Variants in PRRC2C observed in about 807,000 individuals in gnomAD.
PRRC2C encodes the protein protein PRRC2C.
PRRC2C carries 72 observed loss-of-function variants against 317.2 expected under a neutral mutation model. The observed-to-expected ratio is 0.23, with a 90% CI of 0.19 to 0.28. PRRC2C has a LOEUF of 0.28. Among genes scored for constraint, PRRC2C ranks in the 10% least tolerant of loss-of-function variants. The probability of loss-of-function intolerance (pLI) is 1.00; values close to 1 mark genes in which losing one functional copy is unlikely to be tolerated. For synonymous variants in PRRC2C, 1,296 were observed against 1,205.9 expected (o/e 1.07, Z -1.55); for missense variants, 3,074 against 3,459.7 (o/e 0.89, Z 2.80).
chr1:171,508,570 T>G (rs1455182633), intron 1 of PRRC2C, among the ~76,000 whole-genome samples: 1 of 152,198 alleles, frequency 6.6e-6, no homozygotes, highest in African/African-American at 2.4e-5. Context: ...TTATGATTCT[T>G]TTAAGCTTGA....
At position 171,591,806 on chromosome 1, in the gene PRRC2C, A is replaced by G. The variant is rs373951784; in HGVS notation, c.8656A>G (p.Ile2886Val). 193 of 1,603,896 alleles carry G rather than the reference A, an allele frequency of 1.2e-4. No homozygotes were observed. The highest frequency in any genetic ancestry group is 1.5e-4 in the Non-Finnish European group (172 of 1,174,770). ...IATKPVRTGPIKPQAIKTEET... is the reference protein window; with the variant it reads ...IATKPVRTGPVKPQAIKTEET... ...CACCAAACCTGTTAGAACTGGACCA[A>G]TCAAACCTCAGGCGATCAAAACCGA... The change falls in exon 35 of 35, where the codon ATC (isoleucine) becomes GTC (valine). Residue 2886 changes from isoleucine to valine, a missense_variant. Transcript: ENST00000647382.
At chr1:171,554,412 T>C (rs1212832036) in intron 18 of PRRC2C, among the ~76,000 whole-genome samples, 1 of 152,230 alleles carries the variant, frequency 6.6e-6, no homozygotes, top group African/African-American at 2.4e-5. Context: ...GAGTCTTGAC[T>C]CTTTATCCAA....
intron 1 of PRRC2C, among the ~76,000 whole-genome samples, chr1:171,496,857 G>A (rs768460956): frequency 1.3e-5 from 2 of 151,736 alleles, no homozygotes; most frequent in Admixed American, 6.6e-5. Context: ...CTAGAGTGCA[G>A]TGGTGCAATC....
intron 22 of PRRC2C, 94 bp downstream of exon 22, chr1:171,566,937 C>A: frequency 7.5e-7 from 1 of 1,338,142 alleles, no homozygotes; most frequent in Non-Finnish European, 1.0e-6. Flanking sequence ...TTTTTTCCTG[C>A]TGAGGCATAT....
chr1:171,536,074 G>A lies in PRRC2C; in HGVS notation c.2089G>A (p.Val697Ile), dbSNP rs1489762006. Residue 697 changes from valine to isoleucine, a missense_variant, in exon 14 of 35, where the codon GTA (valine) becomes ATA (isoleucine). Val to Ile is a conservative substitution (Grantham distance 29, BLOSUM62 3). Around this residue, in one of 11 missense-constraint regions of PRRC2C, gnomAD observed 1,320 missense variants for 1,395.7 expected, o/e 0.95. Transcript: ENST00000647382. ...GTGGCAGCAGCAGCAACAGCAAGGT[G>A]TACTTCCACAGACTGTTCCTTCACA... is the stretch of plus-strand genomic sequence containing the variant. ...QQWQQQQQQGVLPQTVPSQPS... is the reference protein window; with the variant it reads ...QQWQQQQQQGILPQTVPSQPS... 4 of 1,553,240 alleles carry A rather than the reference G, an allele frequency of 2.6e-6. No individual in the cohort carries two copies. The highest frequency in any genetic ancestry group is 3.5e-6 in the Non-Finnish European group (4 of 1,147,702).
chr1:171,565,439 A>T (rs539283363), intron 20 of PRRC2C, among the ~76,000 whole-genome samples: 18 of 150,042 alleles, frequency 1.2e-4, no homozygotes, highest in Non-Finnish European at 2.1e-4. Flanking sequence ...ATGCTCAACA[A>T]ATTAGCTGGG....
At chr1:171,577,950 C>CTTTTTTTT (rs59582313) in intron 26 of PRRC2C, among the ~76,000 whole-genome samples, 2 of 103,756 alleles carry the variant, frequency 1.9e-5, no homozygotes, top group African/African-American at 3.8e-5. Context: ...GCTAATTTTT[C>CTTTTTTTT]TTTTTTTTTT....
Position 171,591,752 on chromosome 1 carries a change from G to A in PRRC2C, c.8602G>A (p.Glu2868Lys). The A allele has an allele frequency of 6.2e-7, 1 of 1,613,402 alleles. No individual in the cohort carries two copies. Among genetic ancestry groups the A allele is most frequent in the South Asian group, 1.1e-5 (1 of 91,060 alleles). ...PPGVCQEKVE[E>K]KPPPAPSIAT... ...TGGGGTCTGTCAGGAAAAAGTAGAAGAAAAGCCACCCCCTGCACCCTCCAT... is the reference window on the plus strand; with the variant it reads ...TGGGGTCTGTCAGGAAAAAGTAGAAAAAAAGCCACCCCCTGCACCCTCCAT... Residue 2868 changes from glutamate to lysine, a missense_variant, in exon 35 of 35, where the codon GAA becomes AAA. Transcript: ENST00000647382.
intron 23 of PRRC2C, among the ~76,000 whole-genome samples, 155 bp from the exon 24 acceptor site, chr1:171,571,165 A>G (rs1342294819): frequency 1.3e-5 from 2 of 151,942 alleles, no homozygotes; most frequent in Non-Finnish European, 2.9e-5. Flanking sequence ...ATTACCAACT[A>G]CTATAAACAC....
At chr1:171,554,716 T>TA (rs1681001060) in intron 18 of PRRC2C, among the ~76,000 whole-genome samples, 2 of 152,242 alleles carry the variant, frequency 1.3e-5, no homozygotes, top group Non-Finnish European at 2.9e-5. Context: ...CTCCTTCACT[T>TA]ACGAAGCTTA....
chr1:171,530,135 G>C (rs1675500055), intron 11 of PRRC2C, among the ~76,000 whole-genome samples: 1 of 151,376 alleles, frequency 6.6e-6, no homozygotes, highest in Admixed American at 6.6e-5. Context: ...AATTAGAAAG[G>C]AAAAGCAGCT....
intron 20 of PRRC2C, among the ~76,000 whole-genome samples, chr1:171,561,966 T>G (rs1572023354): frequency 6.6e-6 from 1 of 152,244 alleles, no homozygotes; most frequent in East Asian, 1.9e-4. Flanking sequence ...AGCCCTACTG[T>G]CATGGGACTT....
intron 7 of PRRC2C, 71 bp from the exon 8 acceptor site, chr1:171,523,150 C>A (rs1673924967): frequency 2.5e-5 from 34 of 1,366,614 alleles, no homozygotes; most frequent in Non-Finnish European, 3.2e-5. Context: ...AACTAAATTC[C>A]AATCTTTTAG....
chr1:171,577,341 C>T, intron 25 of PRRC2C, 93 bp from the exon 26 acceptor site: 2 of 1,113,608 alleles, frequency 1.8e-6, no homozygotes, highest in Non-Finnish European at 2.6e-6. Context: ...TGGGTAGAAA[C>T]ATTAATTTTG....
At chr1:171,492,738 T>TTTTA (rs58061201) in intron 1 of PRRC2C, among the ~76,000 whole-genome samples, 18,964 of 144,190 alleles carry the variant, frequency 0.13, 1,307 homozygotes, top group East Asian at 0.22. Context: ...ATTTTTTTAA[T>TTTTA]TTTATTTATT....
chr1:171,579,992 A>G, intron 28 of PRRC2C, 28 bp downstream of exon 28: 1 of 1,462,726 alleles, frequency 6.8e-7, no homozygotes, highest in Non-Finnish European at 9.1e-7. Flanking sequence ...TATGTTTGTA[A>G]TGATGTTGAA....
chr1:171,540,649 TCCTCCCCCACCACCA>T lies in PRRC2C; in HGVS notation c.3188_3202del (p.Pro1063_Pro1067del). On this transcript the variant is annotated inframe_deletion, in exon 16 of 35. Coordinates refer to ENST00000647382, the MANE Select transcript of PRRC2C (RefSeq NM_001387844.1). ...AAAAGACGGAAAAGAAGGATCTTCC[TCCTCCCCCACCACCA>T]CCTCAGCCACCAGCACCAATTCAGC... The T allele has an allele frequency of 6.2e-7, 1 of 1,613,862 alleles. No individual in the cohort carries two copies. The highest frequency in any genetic ancestry group is 8.5e-7 in the Non-Finnish European group (1 of 1,179,866).
rs941944953 is a variant in PRRC2C at position 171,522,215 on chromosome 1, A to C, written c.789A>C (p.Leu263=). The change falls in exon 7 of 35, where the codon CTA becomes CTC. Residue 263 remains leucine (L), a synonymous_variant. Coordinates refer to ENST00000647382, the MANE Select transcript of PRRC2C (RefSeq NM_001387844.1). ...ATCCGAGGATGACATATCCTCCTCT[A>C]CATGGTCCCATGAGATTCCCACCTT... ...QQYPRMTYPP[L]HGPMRFPPSL... The C allele has an allele frequency of 6.2e-7, 1 of 1,600,608 alleles. No homozygotes were observed. The highest frequency in any genetic ancestry group is 1.1e-5 in the South Asian group (1 of 90,080).
chr1:171,539,881 C>A, intron 15 of PRRC2C, 90 bp from the exon 16 acceptor site: 1 of 1,105,968 alleles, frequency 9.0e-7, no homozygotes, highest in Admixed American at 2.3e-5. Context: ...AGAGTCATTG[C>A]TTTCTGTTTT....
Sources: allele counts gnomAD v4.1 joint callset (sites outside exome capture counted in the v4.1 genomes callset), GRCh38; gene constraint gnomAD v4.1.1; regional missense constraint gnomAD v4.1.1; transcripts MANE v1.5; gene names NCBI Gene and HGNC (gene_info 2026-07-23, HGNC 2026-07-21).